Variants in IGF2BP2 observed in about 807,000 individuals in gnomAD.
The protein encoded by IGF2BP2 is insulin-like growth factor 2 mRNA-binding protein 2.
In IGF2BP2, 17 loss-of-function variants were observed where a neutral mutation model predicts 75.8. The observed-to-expected ratio is 0.22, with a 90% CI of 0.15 to 0.34. IGF2BP2 has a LOEUF of 0.34. IGF2BP2 is among the 10% of genes least tolerant of loss of function. IGF2BP2 has a pLI of 1.00. For synonymous variants in IGF2BP2, 288 were observed against 295.6 expected (o/e 0.97, Z 0.26); for missense variants, 516 against 772.4 (o/e 0.67, Z 3.93).
chr3:185,785,086 A>G (rs1027786502), intron 2 of IGF2BP2, among the ~76,000 whole-genome samples: 2 of 152,116 alleles, frequency 1.3e-5, no homozygotes, highest in Non-Finnish European at 2.9e-5. Context: ...AGATCACTTG[A>G]GGTCAGGAGT....
chr3:185,777,288 G>A (rs894408080), intron 2 of IGF2BP2, among the ~76,000 whole-genome samples: 1 of 152,116 alleles, frequency 6.6e-6, no homozygotes, highest in Non-Finnish European at 1.5e-5. Context: ...TGGGCAACAT[G>A]GCAAAACCTT....
chr3:185,681,604 T>C (rs934191335), intron 7 of IGF2BP2, among the ~76,000 whole-genome samples: 8 of 152,330 alleles, frequency 5.3e-5, no homozygotes, highest in Admixed American at 4.6e-4. Context: ...TCAAGGGACC[T>C]TGAATAGCCA....
chr3:185,773,363 T>C (rs1375374107), intron 2 of IGF2BP2, among the ~76,000 whole-genome samples: 9 of 152,240 alleles, frequency 5.9e-5, no homozygotes, highest in Non-Finnish European at 1.3e-4. Context: ...AATGATCTAT[T>C]AGACCTTCAA....
At chr3:185,804,117 C>T (rs564346198) in intron 2 of IGF2BP2, among the ~76,000 whole-genome samples, 1 of 151,958 alleles carries the variant, frequency 6.6e-6, no homozygotes, top group Non-Finnish European at 1.5e-5. Context: ...ATTAGCCAGG[C>T]GTGGTGGCAT....
intron 2 of IGF2BP2, among the ~76,000 whole-genome samples, chr3:185,745,877 A>AG: frequency 6.6e-6 from 1 of 152,150 alleles, no homozygotes. Context: ...GTTGTACATA[A>AG]GAAAAAAAAA....
intron 10 of IGF2BP2, among the ~76,000 whole-genome samples, chr3:185,672,154 T>C (rs1718607668): frequency 6.6e-6 from 1 of 152,230 alleles, no homozygotes; most frequent in Non-Finnish European, 1.5e-5. Flanking sequence ...CATGTATGTA[T>C]GTAGATATAT....
At chr3:185,744,719 G>A in intron 2 of IGF2BP2, among the ~76,000 whole-genome samples, 1 of 152,158 alleles carries the variant, frequency 6.6e-6, no homozygotes, top group East Asian at 1.9e-4. Context: ...TGAGGCACAA[G>A]AATAGCTTGA....
chr3:185,762,405 C>T (rs1578221227), intron 2 of IGF2BP2, among the ~76,000 whole-genome samples: 1 of 145,824 alleles, frequency 6.9e-6, no homozygotes, highest in Non-Finnish European at 1.5e-5. Flanking sequence ...TGGTGGCAGG[C>T]GCCTGTAGTC....
intron 2 of IGF2BP2, among the ~76,000 whole-genome samples, chr3:185,754,885 A>G (rs1008994857): frequency 5.3e-5 from 8 of 152,210 alleles, no homozygotes; most frequent in Non-Finnish European, 8.8e-5. Context: ...CTAACAAACT[A>G]CAATCAGAAT....
chr3:185,721,162 G>T (rs1264208128), intron 2 of IGF2BP2, among the ~76,000 whole-genome samples: 2 of 152,070 alleles, frequency 1.3e-5, no homozygotes, highest in Admixed American at 1.3e-4. Flanking sequence ...ACACATGAAG[G>T]AGAGGCTCAT....
At chr3:185,810,646 C>T (rs1335274185) in intron 2 of IGF2BP2, among the ~76,000 whole-genome samples, 1 of 152,016 alleles carries the variant, frequency 6.6e-6, no homozygotes, top group Non-Finnish European at 1.5e-5. Context: ...TGGTGGCGGA[C>T]ACCTGTAAGC....
chr3:185,803,125 T>C (rs1578360130), intron 2 of IGF2BP2, among the ~76,000 whole-genome samples: 1 of 152,110 alleles, frequency 6.6e-6, no homozygotes, highest in South Asian at 2.1e-4. Context: ...CCTAGGCAGG[T>C]GGATTGCTTG....
rs1193993729 is a variant in IGF2BP2 at position 185,658,356 on chromosome 3, G to A, written c.1254C>T (p.Phe418=). 6.2e-7 allele frequency: 1 copy of A among 1,613,824 alleles called. No homozygotes were observed. Among genetic ancestry groups the A allele is most frequent in the African/African-American group, 1.3e-5 (1 of 74,920 alleles). The change falls in exon 11 of 16, where the codon TTC becomes TTT. Residue 418 remains phenylalanine, a synonymous_variant. Coordinates refer to ENST00000382199, the MANE Select transcript of IGF2BP2 (RefSeq NM_006548.6). ...GGGCACTTACAGAGTGATGATGCGG[G>A]AACGGGCCAAACTGGTGATGGGGGT... The part of the protein sequence containing the change: ...SLYPHHQFGP[F]PHHHSYPEQE...
In IGF2BP2 at chr3:185,700,988, T is replaced by A. The variant is rs1723215488; in HGVS notation, c.240-2641A>T. Among the ~76,000 whole-genome samples the A allele has an allele frequency of 2.6e-5, 4 of 152,322 alleles. No homozygotes were observed. In the South Asian group the frequency reaches 8.3e-4, roughly 32 times the overall value. ...GCTTTTAAAAAGCACAAAACCAAAC[T>A]ACCTGTTATTCAATGTGTATGTGTG... On this transcript the variant is annotated intron_variant, in intron 2 of 15. Transcript: ENST00000382199.
intron 7 of IGF2BP2, among the ~76,000 whole-genome samples, chr3:185,676,907 T>C (rs1253980370): frequency 7.0e-6 from 1 of 143,566 alleles, no homozygotes; most frequent in Non-Finnish European, 1.5e-5. Flanking sequence ...ACTGGAGATA[T>C]ATATATGAGA....
chr3:185,674,411 G>C (rs1449904914), intron 9 of IGF2BP2, among the ~76,000 whole-genome samples: 1 of 152,200 alleles, frequency 6.6e-6, no homozygotes, highest in Non-Finnish European at 1.5e-5. Flanking sequence ...TCTGAGCTGA[G>C]CTGGACTTTT....
At chr3:185,733,484 CGGTG>C (rs1728451817) in intron 2 of IGF2BP2, among the ~76,000 whole-genome samples, 1 of 152,178 alleles carries the variant, frequency 6.6e-6, no homozygotes, top group South Asian at 2.1e-4. Flanking sequence ...AGACTGGGCG[CGGTG>C]GCTCACGCCT....
At chr3:185,718,608 C>A (rs1726016090) in intron 2 of IGF2BP2, among the ~76,000 whole-genome samples, 1 of 149,142 alleles carries the variant, frequency 6.7e-6, no homozygotes, top group Non-Finnish European at 1.5e-5. Context: ...TCGCTTGAAC[C>A]CAGGAGGTGG....
intron 2 of IGF2BP2, among the ~76,000 whole-genome samples, chr3:185,818,078 C>T (rs530918698): frequency 1.3e-4 from 19 of 151,974 alleles, no homozygotes; most frequent in Non-Finnish European, 2.8e-4. Context: ...TTTAAGTCTC[C>T]AAAGAAACTA....
Sources: allele counts gnomAD v4.1 joint callset (sites outside exome capture counted in the v4.1 genomes callset), GRCh38; gene constraint gnomAD v4.1.1; transcripts MANE v1.5; gene names NCBI Gene and HGNC (gene_info 2026-07-23, HGNC 2026-07-21).